Variants in PALM2AKAP2 observed in about 807,000 individuals in gnomAD.
PALM2AKAP2 encodes PALM2 and AKAP2 fusion.
A neutral mutation model predicts 71.5 loss-of-function variants in PALM2AKAP2; 37 were observed. The observed-to-expected ratio is 0.52, with a 90% CI of 0.40 to 0.68. PALM2AKAP2 has a LOEUF of 0.68. PALM2AKAP2 is among the 30% of genes least tolerant of loss of function. The pLI, the probability that PALM2AKAP2 is intolerant of heterozygous loss-of-function variation, is 0.00. For missense variants in PALM2AKAP2, 1,224 were observed against 1,191.8 expected (o/e 1.03, Z -0.40); for synonymous variants, 468 against 478.8 (o/e 0.98, Z 0.29).
intron 7 of PALM2AKAP2, among the ~76,000 whole-genome samples, chr9:110,032,057 G>A (rs1313649413): frequency 2.3e-5 from 3 of 132,062 alleles, no homozygotes; most frequent in Non-Finnish European, 4.8e-5. Context: ...CTTAGCTTAC[G>A]GGGAAAAAAA....
chr9:110,094,869 A>G (rs1477033237), intron 1 of PALM2AKAP2, among the ~76,000 whole-genome samples: 3 of 152,246 alleles, frequency 2.0e-5, no homozygotes, highest in Non-Finnish European at 4.4e-5. Context: ...AATGGAAAAC[A>G]TTAAAGAAGT....
intron 1 of PALM2AKAP2, among the ~76,000 whole-genome samples, chr9:109,666,718 T>C (rs1489288692): frequency 2.6e-5 from 4 of 152,192 alleles, no homozygotes; most frequent in Admixed American, 2.6e-4. Flanking sequence ...AGCAGAAGCC[T>C]TGGGAGTCAG....
chr9:109,768,363 A>C (rs1036078478), intron 1 of PALM2AKAP2, among the ~76,000 whole-genome samples: 5 of 152,074 alleles, frequency 3.3e-5, no homozygotes, highest in African/African-American at 1.2e-4. Flanking sequence ...CATATTTTTT[A>C]TTCTTAAATT....
intron 1 of PALM2AKAP2, among the ~76,000 whole-genome samples, chr9:109,846,049 TG>T (rs1185545054): frequency 6.6e-6 from 1 of 152,134 alleles, no homozygotes; most frequent in Non-Finnish European, 1.5e-5. Flanking sequence ...GAGGGCCATG[TG>T]GGGGGCAGTG....
chr9:109,692,182 A>G (rs961290487), intron 1 of PALM2AKAP2, among the ~76,000 whole-genome samples: 1 of 151,388 alleles, frequency 6.6e-6, no homozygotes, highest in African/African-American at 2.4e-5. Flanking sequence ...TTGTGCAAAA[A>G]TCACCATTTC....
chr9:109,978,297 A>G (rs889290273), intron 6 of PALM2AKAP2, among the ~76,000 whole-genome samples: 9 of 152,180 alleles, frequency 5.9e-5, no homozygotes, highest in African/African-American at 2.2e-4. Context: ...AGCAGGAGGC[A>G]TAGCAAATAT....
intron 3 of PALM2AKAP2, among the ~76,000 whole-genome samples, chr9:109,890,278 C>A (rs1830057320): frequency 6.6e-6 from 1 of 152,194 alleles, no homozygotes. Flanking sequence ...GCACAATCCC[C>A]ACTTCGTGTT....
intron 1 of PALM2AKAP2, among the ~76,000 whole-genome samples, chr9:109,737,150 G>T (rs1828649088): frequency 6.6e-6 from 1 of 152,222 alleles, no homozygotes; most frequent in Non-Finnish European, 1.5e-5. Flanking sequence ...AGCTAGGGAT[G>T]AGTGCTCTGG....
At chr9:109,929,684 G>A (rs1485521652) in intron 5 of PALM2AKAP2, among the ~76,000 whole-genome samples, 1 of 151,872 alleles carries the variant, frequency 6.6e-6, no homozygotes, top group African/African-American at 2.4e-5. Flanking sequence ...CTAACACAGT[G>A]AAACCCCATC....
intron 1 of PALM2AKAP2, among the ~76,000 whole-genome samples, chr9:109,746,074 C>G (rs909687975): frequency 6.6e-6 from 1 of 152,150 alleles, no homozygotes; most frequent in Non-Finnish European, 1.5e-5. Flanking sequence ...GGGTTCACAG[C>G]CCGGGAGGAA....
At chr9:109,664,679 T>C (rs1827452300) in intron 1 of PALM2AKAP2, among the ~76,000 whole-genome samples, 1 of 152,210 alleles carries the variant, frequency 6.6e-6, no homozygotes, top group Non-Finnish European at 1.5e-5. Context: ...GGGGTTGCTC[T>C]TCTTGAGGAG....
At chr9:110,122,031 T>G (rs1024123650) in intron 1 of PALM2AKAP2, among the ~76,000 whole-genome samples, 5 of 152,244 alleles carry the variant, frequency 3.3e-5, no homozygotes, top group Admixed American at 6.5e-5. Context: ...GCAGCTGGCC[T>G]ACGCTTTCAA....
chr9:109,680,945 G>A (rs1366238380), intron 1 of PALM2AKAP2, among the ~76,000 whole-genome samples: 1 of 152,072 alleles, frequency 6.6e-6, no homozygotes, highest in Non-Finnish European at 1.5e-5. Flanking sequence ...TCCATCCCAG[G>A]TAAAGATCCC....
chr9:110,025,475 T>C, intron 7 of PALM2AKAP2: 1 of 625,820 alleles, frequency 1.6e-6, no homozygotes, highest in Non-Finnish European at 2.8e-6. Flanking sequence ...GTATTCTTGC[T>C]ATGAATAGTT....
intron 1 of PALM2AKAP2, among the ~76,000 whole-genome samples, chr9:109,678,114 A>G (rs577867591): frequency 1.4e-4 from 22 of 152,322 alleles, no homozygotes; most frequent in African/African-American, 5.3e-4. Flanking sequence ...GAGGCCACAC[A>G]GCTTTTCTTA....
chr9:109,734,923 TC>T (rs1348752136), intron 1 of PALM2AKAP2, among the ~76,000 whole-genome samples: 3 of 151,810 alleles, frequency 2.0e-5, no homozygotes, highest in Non-Finnish European at 4.4e-5. Flanking sequence ...GAGAAATAGA[TC>T]CAAGCCTCTC....
intron 5 of PALM2AKAP2, among the ~76,000 whole-genome samples, chr9:109,927,495 A>G (rs1217342301): frequency 6.6e-6 from 1 of 152,188 alleles, no homozygotes; most frequent in East Asian, 1.9e-4. Flanking sequence ...AACTATACAG[A>G]CACTGCAGAT....
rs972861241 is a variant in PALM2AKAP2 at position 110,157,470 on chromosome 9, C to A, written c.2748+973C>A. Among the ~76,000 whole-genome samples the A allele has an allele frequency of 2.0e-5, 3 of 152,092 alleles. No individual in the cohort carries two copies. The East Asian group carries it at 5.8e-4, about 29-fold the overall frequency. ...CTGGAATGCATTGATGTAATCATGG[C>A]TCATTGCAGCCTCGACCTCCTGGGT... On this transcript the variant is annotated intron_variant, in intron 3 of 3. Coordinates refer to ENST00000374525, the Ensembl canonical transcript of PALM2AKAP2.
chr9:109,835,809 C>T (rs1828458116), intron 1 of PALM2AKAP2, among the ~76,000 whole-genome samples: 1 of 152,202 alleles, frequency 6.6e-6, no homozygotes, highest in South Asian at 2.1e-4. Context: ...GATCAAACTG[C>T]AAGGCAGCAG....
Sources: gnomAD v4.1 joint callset for allele counts (sites outside exome capture counted in the v4.1 genomes callset) on GRCh38, gnomAD v4.1.1 for gene constraint, MANE v1.5 for transcripts, NCBI Gene and HGNC (gene_info 2026-07-23, HGNC 2026-07-21) for gene names.